NDST4: variants seen among roughly 807,000 people sequenced by gnomAD.
NDST4 encodes N-heparan sulfate sulfotransferase 4.
NDST4 carries 63 observed loss-of-function variants against 100.8 expected under a neutral mutation model. That is an observed-to-expected ratio of 0.62 (90% CI 0.51 to 0.77). The LOEUF (loss-of-function observed/expected upper bound fraction) is 0.77, where lower values mean the gene tolerates loss of function less well. Ranked by LOEUF, NDST4 falls within the 30% of genes least tolerant of loss-of-function variation. The pLI is 0.00. For missense variants in NDST4, 943 were observed against 1,018.4 expected, an observed-to-expected ratio of 0.93 and a Z score of 1.01; for synonymous variants, 377 against 361.8, an observed-to-expected ratio of 1.04 and a Z score of -0.48.
chr4:114,849,338 T>C (rs1175236126), intron 8 of NDST4, among the ~76,000 whole-genome samples: 1 of 152,150 alleles, frequency 6.6e-6, no homozygotes, highest in East Asian at 1.9e-4. Context: ...TGTGATACAT[T>C]GGAGTGAGCA....
chr4:115,001,879 A>C (rs1221803323), intron 2 of NDST4, among the ~76,000 whole-genome samples: 2 of 152,330 alleles, frequency 1.3e-5, no homozygotes, highest in South Asian at 2.1e-4. Context: ...AATCATGCCT[A>C]AAGGCAGCAT....
chr4:114,834,165 T>C (rs941710224), intron 11 of NDST4, among the ~76,000 whole-genome samples: 2 of 152,142 alleles, frequency 1.3e-5, no homozygotes, highest in Admixed American at 6.5e-5. Context: ...GAAATGTTTG[T>C]CCATGCCTTA....
intron 6 of NDST4, 89 bp downstream of exon 6, chr4:114,935,117 A>G (rs1305808476): frequency 4.7e-6 from 5 of 1,071,244 alleles, no homozygotes; most frequent in Non-Finnish European, 5.0e-6. Flanking sequence ...AAATAAAGAA[A>G]ATAAATATGA....
chr4:115,096,850 G>A (rs571941497), intron 1 of NDST4, among the ~76,000 whole-genome samples: 3 of 151,978 alleles, frequency 2.0e-5, no homozygotes, highest in Non-Finnish European at 4.4e-5. Flanking sequence ...CTCCAATCAG[G>A]CTTACCATCA....
At chr4:115,101,393 T>C (rs539563721) in intron 1 of NDST4, among the ~76,000 whole-genome samples, 1 of 152,000 alleles carries the variant, frequency 6.6e-6, no homozygotes, top group East Asian at 1.9e-4. Flanking sequence ...GCAGGAAGTG[T>C]AAGTTAAAGG....
At chr4:115,030,884 T>C (rs1424952884) in intron 2 of NDST4, among the ~76,000 whole-genome samples, 1 of 152,046 alleles carries the variant, frequency 6.6e-6, no homozygotes, top group Non-Finnish European at 1.5e-5. Flanking sequence ...CTAGAAATGG[T>C]AGTTAATTCA....
intron 7 of NDST4, among the ~76,000 whole-genome samples, chr4:114,860,560 A>G (rs994759095): frequency 1.3e-5 from 2 of 152,294 alleles, no homozygotes; most frequent in Admixed American, 1.3e-4. Flanking sequence ...TAAAATGGCT[A>G]GATTGCAGCA....
intron 4 of NDST4, among the ~76,000 whole-genome samples, chr4:114,950,443 T>C (rs1461395391): frequency 6.6e-6 from 1 of 152,066 alleles, no homozygotes; most frequent in Non-Finnish European, 1.5e-5. Context: ...TATACTATCT[T>C]CAGAACCATG....
intron 2 of NDST4, among the ~76,000 whole-genome samples, chr4:115,075,857 G>GAAGCTAAA (rs1362760529): frequency 6.7e-6 from 1 of 149,118 alleles, no homozygotes. Flanking sequence ...TTTTAGCTCT[G>GAAGCTAAA]TCCCATTCTG....
At chr4:114,906,198 A>C (rs1267344888) in intron 6 of NDST4, among the ~76,000 whole-genome samples, 1 of 152,048 alleles carries the variant, frequency 6.6e-6, no homozygotes, top group Non-Finnish European at 1.5e-5. Flanking sequence ...TAAAAAAACA[A>C]GGGAGAAAGA....
intron 1 of NDST4, among the ~76,000 whole-genome samples, chr4:115,092,885 T>C (rs1180584144): frequency 6.6e-6 from 1 of 152,164 alleles, no homozygotes; most frequent in Non-Finnish European, 1.5e-5. Flanking sequence ...GTAAATTAAC[T>C]AAATTATCTT....
chr4:114,930,392 T>C (rs1459558695), intron 6 of NDST4, among the ~76,000 whole-genome samples: 1 of 152,194 alleles, frequency 6.6e-6, no homozygotes, highest in Non-Finnish European at 1.5e-5. Flanking sequence ...TTTTGTTTTG[T>C]TTTGTTTTTA....
At chr4:115,068,053 T>C (rs572206051) in intron 2 of NDST4, among the ~76,000 whole-genome samples, 288 of 152,174 alleles carry the variant, frequency 1.9e-3, no homozygotes, top group Non-Finnish European at 3.1e-3. Context: ...TTCATCCATG[T>C]CCCTACAAAG....
intron 2 of NDST4, among the ~76,000 whole-genome samples, chr4:114,981,232 A>T (rs764248145): frequency 1.1e-5 from 1 of 89,756 alleles, no homozygotes; most frequent in African/African-American, 3.8e-5. Flanking sequence ...GAAGGAAGGA[A>T]GGAAGGAAGG....
intron 9 of NDST4, among the ~76,000 whole-genome samples, chr4:114,846,730 T>C (rs1364594080): frequency 6.6e-6 from 1 of 152,186 alleles, no homozygotes; most frequent in African/African-American, 2.4e-5. Flanking sequence ...ATCACTTCTC[T>C]CACCCTCAAA....
intron 2 of NDST4, among the ~76,000 whole-genome samples, chr4:115,038,114 T>C (rs750094803): frequency 3.9e-5 from 6 of 152,180 alleles, no homozygotes; most frequent in Non-Finnish European, 8.8e-5. Flanking sequence ...CAATTGATAT[T>C]TGTTTAGCAA....
chr4:115,061,044 T>C (rs1207004972), intron 2 of NDST4, among the ~76,000 whole-genome samples: 1 of 152,102 alleles, frequency 6.6e-6, no homozygotes, highest in Non-Finnish European at 1.5e-5. Flanking sequence ...AAGACATTTA[T>C]GCAGCCAACA....
chr4:114,849,583 A>AAC (rs1723628316), intron 8 of NDST4, among the ~76,000 whole-genome samples: 1 of 152,216 alleles, frequency 6.6e-6, no homozygotes, highest in Non-Finnish European at 1.5e-5. Context: ...AGAGGTAATG[A>AAC]GTAGCTAAAG....
chr4:114,995,111 T>G, intron 2 of NDST4, among the ~76,000 whole-genome samples: 1 of 152,070 alleles, frequency 6.6e-6, no homozygotes, highest in Non-Finnish European at 1.5e-5. Context: ...GCATTTAAGT[T>G]ATTATTCTTT....
Sources: allele counts gnomAD v4.1 joint callset (sites outside exome capture counted in the v4.1 genomes callset), GRCh38; gene constraint gnomAD v4.1.1; transcripts MANE v1.5; gene names NCBI Gene and HGNC (gene_info 2026-07-23, HGNC 2026-07-21).